Variants in ANKRD44 observed in about 807,000 individuals in gnomAD.
ANKRD44 encodes the protein serine/threonine-protein phosphatase 6 regulatory ankyrin repeat subunit B.
A neutral mutation model predicts 116.0 loss-of-function variants in ANKRD44; 35 were observed. The observed-to-expected ratio is 0.30, with a 90% CI of 0.23 to 0.40. ANKRD44 has a LOEUF of 0.40. Ranked by LOEUF, ANKRD44 falls within the 10% of genes least tolerant of loss-of-function variation. The pLI is 1.00. For missense variants in ANKRD44, 1,014 were observed against 1,242.6 expected, an observed-to-expected ratio of 0.82 and a Z score of 2.77; for synonymous variants, 435 against 461.8, an observed-to-expected ratio of 0.94 and a Z score of 0.74.
At chr2:197,274,010 T>G (rs1255507775) in intron 1 of ANKRD44, among the ~76,000 whole-genome samples, 6 of 86,086 alleles carry the variant, frequency 7.0e-5, no homozygotes, top group Non-Finnish European at 1.1e-4. Flanking sequence ...TATATATATA[T>G]ATATATATAT....
intron 16 of ANKRD44, among the ~76,000 whole-genome samples, chr2:197,065,133 C>T (rs1392199678): frequency 2.0e-5 from 3 of 152,192 alleles, no homozygotes; most frequent in African/African-American, 4.8e-5. Flanking sequence ...CAAACTAGGA[C>T]TCAGGATTAA....
At chr2:197,279,552 C>T (rs377732859) in intron 1 of ANKRD44, among the ~76,000 whole-genome samples, 1 of 152,210 alleles carries the variant, frequency 6.6e-6, no homozygotes, top group African/African-American at 2.4e-5. Context: ...TGCCCATACA[C>T]ACCCTCTGCT....
rs1408441842 is a variant in ANKRD44, at chr2:197,212,592, A to G, written c.28-25486T>C. Among the ~76,000 whole-genome samples, 1 of 152,198 alleles carries G rather than the reference A, an allele frequency of 6.6e-6. No individual in the cohort carries two copies. Among genetic ancestry groups the G allele is most frequent in the Non-Finnish European group, 1.5e-5 (1 of 68,024 alleles). On this transcript the variant is annotated intron_variant, in intron 1 of 27. Transcript: ENST00000282272. The surrounding 1 kb of genome is among the most constrained non-coding windows in gnomAD (Gnocchi z 4.8). ...TTCATTCACATTCATTCAAAATAAC[A>G]CATTTGTTCACCCTGCCTCTTCCAC... is the stretch of plus-strand genomic sequence containing the variant.
chr2:197,182,596 C>T (rs1474235024), intron 2 of ANKRD44, among the ~76,000 whole-genome samples: 2 of 152,198 alleles, frequency 1.3e-5, no homozygotes, highest in African/African-American at 4.8e-5. Context: ...GTGACCATGT[C>T]ATCAAGCATA....
chr2:196,998,644 G>T (rs2076058035), intron 24 of ANKRD44, among the ~76,000 whole-genome samples: 1 of 152,108 alleles, frequency 6.6e-6, no homozygotes, highest in African/African-American at 2.4e-5. Flanking sequence ...ATTATTCCCA[G>T]TTAAAATGAT....
At chr2:197,098,794 T>C (rs1291111583) in intron 10 of ANKRD44, among the ~76,000 whole-genome samples, 1 of 152,188 alleles carries the variant, frequency 6.6e-6, no homozygotes, top group Non-Finnish European at 1.5e-5. Flanking sequence ...AGATAAGTAC[T>C]AGTATTACTA....
At chr2:196,998,804 C>T (rs2076061157) in intron 24 of ANKRD44, 103 bp downstream of exon 24, 1 of 1,478,402 alleles carries the variant, frequency 6.8e-7, no homozygotes, top group Non-Finnish European at 9.1e-7. Context: ...GCTAATGGCC[C>T]TTTTCCACGT....
chr2:196,998,502 CAT>C (rs1236015364), intron 24 of ANKRD44, 83 bp from the exon 25 acceptor site: 9 of 953,716 alleles, frequency 9.4e-6, no homozygotes, highest in Non-Finnish European at 1.5e-5. Flanking sequence ...AACACAATAA[CAT>C]ATTTAAATTA....
In ANKRD44 at chr2:196,993,364, T is replaced by C. The variant is rs565785060; in HGVS notation, c.2923+219A>G. 2.0e-5 allele frequency among the ~76,000 whole-genome samples: 3 copies of C among 152,354 alleles called. No individual in the cohort carries two copies. In the South Asian group the frequency reaches 6.2e-4, roughly 32 times the overall value. On this transcript the variant is annotated intron_variant, in intron 27 of 27. Transcript: ENST00000282272. ...TTAGAGACCAGCTGCTGGCATTACA[T>C]GCAAAATGGACAGCACTGGGTGGCC...
intron 1 of ANKRD44, among the ~76,000 whole-genome samples, chr2:197,285,274 G>C (rs748457846): frequency 2.0e-5 from 3 of 152,042 alleles, no homozygotes; most frequent in Non-Finnish European, 4.4e-5. Flanking sequence ...AAGTGTCTGG[G>C]GATGGGGCAG....
chr2:197,302,768 C>T (rs2083949775), intron 1 of ANKRD44, among the ~76,000 whole-genome samples: 1 of 152,212 alleles, frequency 6.6e-6, no homozygotes, highest in Admixed American at 6.5e-5. Flanking sequence ...TAGGAATTTT[C>T]TTCCTTTCTT....
intron 2 of ANKRD44, among the ~76,000 whole-genome samples, chr2:197,179,620 T>G (rs1242082062): frequency 6.6e-6 from 1 of 152,192 alleles, no homozygotes; most frequent in Non-Finnish European, 1.5e-5. Flanking sequence ...TCTCCATAGC[T>G]CCAAAACATC....
intron 2 of ANKRD44, among the ~76,000 whole-genome samples, chr2:197,168,740 G>T (rs1053779096): frequency 2.6e-5 from 4 of 152,050 alleles, no homozygotes; most frequent in Non-Finnish European, 4.4e-5. Flanking sequence ...ATCCTGAGTG[G>T]TCTACCTTCA....
chr2:197,100,781 G>A (rs2125228218), intron 9 of ANKRD44, among the ~76,000 whole-genome samples: 1 of 152,232 alleles, frequency 6.6e-6, no homozygotes, highest in African/African-American at 2.4e-5. Flanking sequence ...TAAAAACTAT[G>A]ACAATAATCA....
chr2:197,241,396 A>G (rs2082087254), intron 1 of ANKRD44, among the ~76,000 whole-genome samples: 1 of 152,220 alleles, frequency 6.6e-6, no homozygotes, highest in African/African-American at 2.4e-5. Flanking sequence ...AGAGGGGCAC[A>G]GTAAATAGAT....
At chr2:197,174,625 C>T (rs969133960) in intron 2 of ANKRD44, among the ~76,000 whole-genome samples, 12 of 152,048 alleles carry the variant, frequency 7.9e-5, no homozygotes, top group Non-Finnish European at 1.6e-4. Flanking sequence ...GGGAGAGAGG[C>T]GGGGAGGGAG....
intron 1 of ANKRD44, among the ~76,000 whole-genome samples, chr2:197,246,733 G>A (rs947080510): frequency 2.0e-5 from 3 of 152,066 alleles, no homozygotes; most frequent in Non-Finnish European, 4.4e-5. Flanking sequence ...TCACTACTCG[G>A]AGTGACGTTC....
rs542618184 is a variant in ANKRD44, at chr2:196,976,990, C to T, written c.2369-9544G>A. Among the ~76,000 whole-genome samples, 51 of 152,128 alleles carry T rather than the reference C, an allele frequency of 3.4e-4. 1 individual carries two copies. In the South Asian group the frequency reaches 1.0e-2, roughly 30 times the overall value. On this transcript the variant is annotated intron_variant, in intron 21 of 21. Coordinates refer to the ANKRD44 transcript ENST00000424317. Reference sequence around the variant, plus strand: ...AAGCTCAGCAAGGTTGCAGGATAAACGATCAATTTTTAAAAAACAATTGTA... The same window carrying T: ...AAGCTCAGCAAGGTTGCAGGATAAATGATCAATTTTTAAAAAACAATTGTA...
rs565277913 is a variant in ANKRD44, at chr2:197,079,339, C to A, written c.1539-525G>T. Among the ~76,000 whole-genome samples, 3 of 152,162 alleles carry A rather than the reference C, an allele frequency of 2.0e-5. No homozygotes were observed. In the South Asian group the frequency reaches 6.2e-4, roughly 32 times the overall value. On this transcript the variant is annotated intron_variant, in intron 15 of 27. Transcript: ENST00000282272. ...TAAAAAGATTAAAGGAATGGGTAAG[C>A]ATTTTTAAAGAATGAAGAATTAACT...
Sources: gnomAD v4.1 joint callset for allele counts (sites outside exome capture counted in the v4.1 genomes callset) on GRCh38, gnomAD v4.1.1 for gene constraint, Gnocchi (gnomAD v3.1) non-coding constraint, MANE v1.5 for transcripts, NCBI Gene and HGNC (gene_info 2026-07-23, HGNC 2026-07-21) for gene names.